ARHGAP11A: variants seen among roughly 807,000 people sequenced by gnomAD.
ARHGAP11A encodes rho GTPase-activating protein 11A.
Under a neutral mutation model 60.5 loss-of-function variants are expected in ARHGAP11A, and 36 were observed. That is an observed-to-expected ratio of 0.59 (90% confidence interval 0.46 to 0.79). The LOEUF (loss-of-function observed/expected upper bound fraction) is 0.79, where lower values mean the gene tolerates loss of function less well. Among genes scored for constraint, ARHGAP11A ranks in the 30% least tolerant of loss-of-function variants. ARHGAP11A has a pLI of 0.00. For synonymous variants in ARHGAP11A, 362 were observed against 415.5 expected (o/e 0.87, Z 1.57); for missense variants, 1,071 against 1,199.2 (o/e 0.89, Z 1.58).
rs1265462794 is a variant in ARHGAP11A at position 32,620,099 on chromosome 15, T to C, written c.130-9T>C. 3 of 1,596,512 alleles carry C rather than the reference T, an allele frequency of 1.9e-6. No homozygotes were observed. In the South Asian group the frequency reaches 3.4e-5, roughly 18 times the overall value. On this transcript the variant is annotated splice_polypyrimidine_tract_variant and intron_variant, in intron 1 of 11. Coordinates refer to ENST00000361627, the MANE Select transcript of ARHGAP11A (RefSeq NM_014783.6). ...ATTTGTGTTAGAGTAACTGAATTTG[T>C]CATTTTAGGGTAAAATATTTGGAGT...
At chr15:32,636,169 G>A in intron 11 of ARHGAP11A, 88 bp from the exon 12 acceptor site, 1 of 1,467,618 alleles carries the variant, frequency 6.8e-7, no homozygotes, top group Non-Finnish European at 9.0e-7. Context: ...AGAATTAAAT[G>A]CTTAGTGACT....
rs1175503717 is a variant in ARHGAP11A, at chr15:32,637,134, A to AT, written c.2363dup (p.Leu788PhefsTer5). 6.2e-7 allele frequency: 1 copy of AT among 1,614,000 alleles called. No individual in the cohort carries two copies. Among genetic ancestry groups the AT allele is most frequent in the Non-Finnish European group, 8.5e-7 (1 of 1,180,034 alleles). On this transcript the variant is annotated frameshift_variant, in exon 12 of 12. Transcript: ENST00000361627. LOFTEE classifies it low-confidence loss of function (END_TRUNC). ...CTATGAGAATTGCTAAACAGCAGTC[A>AT]TTGGAAACATGTGAGAAAACAGTTT...
rs1395344810 is a variant in ARHGAP11A at position 32,636,288 on chromosome 15, C to CTA, written c.1516_1517insAT (p.Leu506TyrfsTer3). 1 of 1,609,448 alleles carries CTA rather than the reference C, an allele frequency of 6.2e-7. No individual in the cohort carries two copies. Among genetic ancestry groups the CTA allele is most frequent in the Non-Finnish European group, 8.5e-7 (1 of 1,178,562 alleles). On this transcript the variant is annotated frameshift_variant, in exon 12 of 12. Coordinates refer to ENST00000361627, the MANE Select transcript of ARHGAP11A (RefSeq NM_014783.6). LOFTEE classifies it low-confidence loss of function (END_TRUNC). Reference sequence around the variant, plus strand: ...AAAAGATCAGTAAGTCTGAGGAAACCTTACTAACTCCAGAGCGACTAGTTG... The same window carrying CTA: ...AAAAGATCAGTAAGTCTGAGGAAACCTATTACTAACTCCAGAGCGACTAGTTG...
rs770818837 is a variant in ARHGAP11A at position 32,632,991 on chromosome 15, C to A, written c.1118C>A (p.Thr373Lys). 2.5e-6 allele frequency: 4 copies of A among 1,612,804 alleles called. No homozygotes were observed. In the Admixed American group the frequency reaches 5.0e-5, roughly 20 times the overall value. Residue 373 changes from threonine (T) to lysine (K), a missense_variant, in exon 9 of 12, where the codon ACA becomes AAA. Physicochemically the swap from Thr to Lys is moderately conservative, Grantham distance 78. Transcript: ENST00000361627. ...SSTPVSVHID[T>K]SSEGSSQSSL... is the part of the protein sequence containing the mutation. ...GTTATTTTTGTAGTTCACATCGATA[C>A]AAGCTCAGAAGGGTCATCTCAGAGT... is the stretch of plus-strand genomic sequence containing the variant.
intron 6 of ARHGAP11A, among the ~76,000 whole-genome samples, chr15:32,627,243 C>T (rs1402482981): frequency 1.3e-5 from 2 of 152,032 alleles, no homozygotes; most frequent in East Asian, 1.9e-4. Flanking sequence ...TTAAGCTTAA[C>T]GTTTTGAAAT....
chr15:32,626,335 T>C (rs1595766450), intron 6 of ARHGAP11A, among the ~76,000 whole-genome samples: 1 of 152,268 alleles, frequency 6.6e-6, no homozygotes, highest in East Asian at 1.9e-4. Context: ...GAAGGAAATA[T>C]TATCAAGGAA....
chr15:32,634,728 TCA>T (rs900070595), intron 10 of ARHGAP11A, among the ~76,000 whole-genome samples: 47 of 152,182 alleles, frequency 3.1e-4, no homozygotes, highest in African/African-American at 1.1e-3. Flanking sequence ...TTTCCCTATC[TCA>T]GTTATGGCAA....
intron 9 of ARHGAP11A, among the ~76,000 whole-genome samples, 185 bp from the exon 10 acceptor site, chr15:32,633,748 A>AT (rs1255163605): frequency 1.3e-5 from 2 of 152,228 alleles, no homozygotes; most frequent in African/African-American, 4.8e-5. Context: ...TTAGCAGATC[A>AT]TTTTTTATGC....
At chr15:32,635,624 A>G (rs977688232) in intron 10 of ARHGAP11A, among the ~76,000 whole-genome samples, 153 bp from the exon 11 acceptor site, 3 of 152,220 alleles carry the variant, frequency 2.0e-5, no homozygotes, top group African/African-American at 7.2e-5. Context: ...ATTAGCAGGC[A>G]AGAATGTTTG....
At position 32,637,953 on chromosome 15, in the gene ARHGAP11A, G is replaced by C. The variant is rs957265828; in HGVS notation, c.*108G>C. 4 of 971,410 alleles carry C rather than the reference G, an allele frequency of 4.1e-6. No individual in the cohort carries two copies. Among genetic ancestry groups the C allele is most frequent in the Non-Finnish European group, 4.5e-6 (3 of 671,932 alleles). 60.2% of individuals were successfully genotyped at this position (971,410 alleles called of 1,614,324 possible). ...AGCTCAGGATGATTGTTAAGCAATA[G>C]ATTTGCTCTATTGAAAATGTTTCAT... On this transcript the variant is annotated 3_prime_UTR_variant, in exon 12 of 12. Transcript: ENST00000361627.
intron 8 of ARHGAP11A, among the ~76,000 whole-genome samples, chr15:32,630,994 C>T (rs935818025): frequency 1.3e-5 from 2 of 151,908 alleles, no homozygotes; most frequent in East Asian, 3.9e-4. Flanking sequence ...CATACTGATT[C>T]CTTCTTCTCC....
intron 2 of ARHGAP11A, among the ~76,000 whole-genome samples, 192 bp downstream of exon 2, chr15:32,620,370 A>C (rs941511345): frequency 6.6e-6 from 1 of 152,052 alleles, no homozygotes; most frequent in Admixed American, 6.5e-5. Context: ...CCAGCTACTC[A>C]GGGGCCTGGG....
At position 32,639,915 on chromosome 15, in the gene ARHGAP11A, T is replaced by C. The variant is rs1365360950; in HGVS notation, c.*2070T>C. 2.0e-5 allele frequency: 3 copies of C among 152,144 alleles called. No homozygotes were observed. The highest frequency in any genetic ancestry group is 4.8e-5 in the African/African-American group (2 of 41,426). The allele number at this position is 152,144 out of a possible 1,614,324, so 9.4% of individuals were successfully genotyped here. ...CTCATGGGTTCTTCTCACTGTCTTA[T>C]AAATGTAAATAAAGATCTAATATTA... On this transcript the variant is annotated 3_prime_UTR_variant, in exon 12 of 12. Coordinates refer to ENST00000361627, the MANE Select transcript of ARHGAP11A (RefSeq NM_014783.6).
chr15:32,625,681 G>A lies in ARHGAP11A; in HGVS notation c.862+48G>A, dbSNP rs532107509. On this transcript the variant is annotated intron_variant, in intron 6 of 11. Coordinates refer to ENST00000361627, the MANE Select transcript of ARHGAP11A (RefSeq NM_014783.6). ...GGAGGTACAGTGATTTGCTTTAATCGAAAGTACATTTCACATAAAGAAGCA... is the reference window on the plus strand; with the variant it reads ...GGAGGTACAGTGATTTGCTTTAATCAAAAGTACATTTCACATAAAGAAGCA... The A allele has an allele frequency of 4.4e-6, 7 of 1,601,852 alleles. No individual in the cohort carries two copies. The East Asian group carries it at 6.7e-5, about 15-fold the overall frequency.
In ARHGAP11A at chr15:32,637,238, C is replaced by T. The variant is rs768021852; in HGVS notation, c.2465C>T (p.Pro822Leu). 71 of 1,614,012 alleles carry T rather than the reference C, an allele frequency of 4.4e-5. No individual in the cohort carries two copies. The Middle Eastern group carries it at 3.5e-3, about 78-fold the overall frequency. The change falls in exon 12 of 12, where the codon CCA (proline) becomes CTA (leucine). Residue 822 changes from proline (P) to leucine (L), a missense_variant. Pro to Leu is a moderately conservative substitution (Grantham distance 98). This residue lies in a region of ARHGAP11A where 776 missense variants were observed against 760.2 expected (regional missense o/e 1.02). Transcript: ENST00000361627. Reference sequence around the variant, plus strand: ...TTTAACAAGCTTTCTTTAAATGAACCAAATAGAATAAAAGTCAAGTCACCT... The same window carrying T: ...TTTAACAAGCTTTCTTTAAATGAACTAAATAGAATAAAAGTCAAGTCACCT... ...QWFNKLSLNE[P>L]NRIKVKSPLK...
At chr15:32,619,296 G>A (rs938800915) in intron 1 of ARHGAP11A, among the ~76,000 whole-genome samples, 6 of 152,208 alleles carry the variant, frequency 3.9e-5, no homozygotes, top group African/African-American at 1.2e-4. Context: ...GACATTTACA[G>A]GCTTGAATTT....
At chr15:32,621,983 C>G (rs997169677) in intron 2 of ARHGAP11A, among the ~76,000 whole-genome samples, 27 of 152,294 alleles carry the variant, frequency 1.8e-4, no homozygotes, top group Non-Finnish European at 7.3e-5. Flanking sequence ...AAGCAATTAT[C>G]GAACACCTGG....
At chr15:32,631,974 C>T (rs546475165) in intron 8 of ARHGAP11A, among the ~76,000 whole-genome samples, 1 of 152,264 alleles carries the variant, frequency 6.6e-6, no homozygotes, top group African/African-American at 2.4e-5. Context: ...GGTGCCTGGC[C>T]GGACACATTT....
chr15:32,636,596 G>A lies in ARHGAP11A; in HGVS notation c.1823G>A (p.Ser608Asn), dbSNP rs764392576. The A allele has an allele frequency of 4.3e-6, 7 of 1,614,016 alleles. No individual in the cohort carries two copies. In the East Asian group the frequency reaches 6.7e-5, roughly 15 times the overall value. Residue 608 changes from serine to asparagine, a missense_variant, in exon 12 of 12, where the codon AGT becomes AAT. Around this residue, in one of 4 missense-constraint regions of ARHGAP11A, gnomAD observed 776 missense variants for 760.2 expected, o/e 1.02. Transcript: ENST00000361627. ...CAAAAAGCGTTTTCTGAATCTGGAA[G>A]TAATCTTCACGCATTGATGAATCAG... ...KVQKAFSESG[S>N]NLHALMNQRQ...
Sources: allele counts gnomAD v4.1 joint callset (sites outside exome capture counted in the v4.1 genomes callset), GRCh38; gene constraint gnomAD v4.1.1; regional missense constraint gnomAD v4.1.1; transcripts MANE v1.5; gene names NCBI Gene and HGNC (gene_info 2026-07-23, HGNC 2026-07-21).